The following AGBL1 variants were observed in gnomAD, a reference collection of about 807,000 sequenced individuals.
AGBL1 encodes cytosolic carboxypeptidase 4.
Under a neutral mutation model 118.9 loss-of-function variants are expected in AGBL1, and 130 were observed. That is an observed-to-expected ratio of 1.09 (90% CI 0.95 to 1.26). The LOEUF is 1.26. Ranked by LOEUF, AGBL1 falls within the 50% of genes most tolerant of loss-of-function variation. AGBL1 has a pLI of 0.00. For synonymous variants in AGBL1, 555 were observed against 478.9 expected (o/e 1.16, Z -2.08); for missense variants, 1,584 against 1,298.1 (o/e 1.22, Z -3.38).
intron 1 of AGBL1, among the ~76,000 whole-genome samples, chr15:86,109,246 G>T (rs1897227325): frequency 6.6e-6 from 1 of 152,020 alleles, no homozygotes; most frequent in East Asian, 1.9e-4. Flanking sequence ...ATGCAACTTT[G>T]GATCTCTCTT....
chr15:86,900,636 A>C (rs1293975708), intron 22 of AGBL1, among the ~76,000 whole-genome samples: 2 of 150,230 alleles, frequency 1.3e-5, no homozygotes, highest in Admixed American at 6.7e-5. Context: ...TCTTATATCG[A>C]CTATCTTATA....
chr15:86,397,576 C>T, intron 18 of AGBL1, 30 bp downstream of exon 18: 2 of 1,573,582 alleles, frequency 1.3e-6, no homozygotes, highest in Non-Finnish European at 1.7e-6. Flanking sequence ...CAGCCAAACC[C>T]ACAATTATGC....
Position 86,895,410 on chromosome 15 carries a change from T to TA in AGBL1, c.3159-11675dup, listed in dbSNP as rs796347751. Among the ~76,000 whole-genome samples the TA allele has an allele frequency of 5.3e-5, 8 of 151,644 alleles. No homozygotes were observed. In the South Asian group the frequency reaches 1.5e-3, roughly 28 times the overall value. On this transcript the variant is annotated intron_variant, in intron 22 of 22. Transcript: ENST00000614907. ...CTGACATGTTTAGTTTTTTTTTTTTTAATTATTTTTGCATTTGCGTGTATT... is the reference window on the plus strand; with the variant it reads ...CTGACATGTTTAGTTTTTTTTTTTTTAAATTATTTTTGCATTTGCGTGTATT...
At chr15:86,862,152 AAC>A (rs745732161) in intron 22 of AGBL1, among the ~76,000 whole-genome samples, 11 of 152,166 alleles carry the variant, frequency 7.2e-5, no homozygotes, top group Non-Finnish European at 1.6e-4. Flanking sequence ...TGACATGAAA[AAC>A]ACAAACCATA....
chr15:86,624,042 G>A (rs938199524), intron 21 of AGBL1, among the ~76,000 whole-genome samples: 1 of 152,206 alleles, frequency 6.6e-6, no homozygotes, highest in Admixed American at 6.5e-5. Context: ...TAGAGATTGA[G>A]AGGAATGGGA....
chr15:86,096,130 T>C (rs1896365527), intron 1 of AGBL1, among the ~76,000 whole-genome samples: 1 of 152,132 alleles, frequency 6.6e-6, no homozygotes, highest in African/African-American at 2.4e-5. Context: ...TTATTTAAGG[T>C]GAAACTTTTT....
At chr15:86,410,034 T>TA (rs1489845503) in intron 18 of AGBL1, among the ~76,000 whole-genome samples, 1 of 152,186 alleles carries the variant, frequency 6.6e-6, no homozygotes, top group Non-Finnish European at 1.5e-5. Context: ...GAAATCTTTA[T>TA]AAAGCAAACC....
At chr15:86,449,967 T>G (rs1186732378) in intron 18 of AGBL1, among the ~76,000 whole-genome samples, 1 of 151,932 alleles carries the variant, frequency 6.6e-6, no homozygotes, top group African/African-American at 2.4e-5. Context: ...TAACAGTAAA[T>G]TGTGGCATTT....
chr15:86,175,823 AG>A (rs1164392975), intron 5 of AGBL1, among the ~76,000 whole-genome samples: 1 of 152,080 alleles, frequency 6.6e-6, no homozygotes, highest in Admixed American at 6.6e-5. Context: ...ATTGAGTTCT[AG>A]TTTTATTCCA....
chr15:86,647,383 T>C (rs1249385140), intron 21 of AGBL1, among the ~76,000 whole-genome samples: 3 of 152,214 alleles, frequency 2.0e-5, no homozygotes, highest in African/African-American at 7.2e-5. Flanking sequence ...CAGAAATCCT[T>C]GTTTTCATGC....
intron 19 of AGBL1, among the ~76,000 whole-genome samples, chr15:86,536,964 G>T (rs539281113): frequency 6.6e-6 from 1 of 152,354 alleles, no homozygotes; most frequent in Middle Eastern, 3.4e-3. Flanking sequence ...ACACAGCAAG[G>T]TAGCAATGAT....
chr15:86,785,748 C>T (rs980141029), intron 22 of AGBL1, among the ~76,000 whole-genome samples: 4 of 152,188 alleles, frequency 2.6e-5, no homozygotes, highest in African/African-American at 9.6e-5. Context: ...AGCAATGAAG[C>T]AGAAGTTAGG....
chr15:86,253,306 A>G (rs574458410), intron 7 of AGBL1, among the ~76,000 whole-genome samples: 2 of 152,168 alleles, frequency 1.3e-5, no homozygotes. Context: ...GCTGGAGTGC[A>G]GTAGTGTGAT....
chr15:86,936,260 G>T (rs542324814), intron 23 of AGBL1, among the ~76,000 whole-genome samples: 2 of 151,794 alleles, frequency 1.3e-5, no homozygotes, highest in African/African-American at 2.4e-5. Flanking sequence ...GTGTGTGTGT[G>T]TGTGTGTGAC....
At chr15:86,629,540 C>A (rs371679383) in intron 21 of AGBL1, among the ~76,000 whole-genome samples, 7 of 152,118 alleles carry the variant, frequency 4.6e-5, no homozygotes, top group Admixed American at 3.9e-4. Flanking sequence ...AATAAAATAA[C>A]GCACCCTTTG....
At chr15:86,527,723 A>G (rs2083286348) in intron 19 of AGBL1, among the ~76,000 whole-genome samples, 1 of 152,214 alleles carries the variant, frequency 6.6e-6, no homozygotes, top group Non-Finnish European at 1.5e-5. Context: ...TCTAGATACT[A>G]TTCAGCCATT....
chr15:86,480,261 A>G (rs534900305), intron 18 of AGBL1, among the ~76,000 whole-genome samples: 33 of 152,312 alleles, frequency 2.2e-4, no homozygotes, highest in African/African-American at 7.9e-4. Context: ...TGATGAATAT[A>G]TTAATTTGCT....
At chr15:86,758,912 G>A (rs1282086425) in intron 22 of AGBL1, among the ~76,000 whole-genome samples, 1 of 145,390 alleles carries the variant, frequency 6.9e-6, no homozygotes, top group Admixed American at 7.1e-5. Flanking sequence ...GGCAGAGGTT[G>A]CAGTAAGTGG....
At chr15:87,007,832 C>A (rs1393066418) in intron 24 of AGBL1, among the ~76,000 whole-genome samples, 2 of 152,198 alleles carry the variant, frequency 1.3e-5, no homozygotes, top group African/African-American at 2.4e-5. Context: ...CTCTACAATG[C>A]TTGTTTCTAT....
Sources: gnomAD v4.1 joint callset for allele counts (sites outside exome capture counted in the v4.1 genomes callset) on GRCh38, gnomAD v4.1.1 for gene constraint, MANE v1.5 for transcripts, NCBI Gene and HGNC (gene_info 2026-07-23, HGNC 2026-07-21) for gene names.